The following C10orf71 variants were observed in gnomAD, a reference collection of about 807,000 sequenced individuals.
The protein encoded by C10orf71 is cardiac-enriched FHL2-interacting protein.
For missense variants in C10orf71, 1,869 were observed against 1,804.5 expected (o/e 1.04, Z -0.65); for synonymous variants, 758 against 726.3 (o/e 1.04, Z -0.70).
chr10:49,321,619 A>G (rs189676165), intron 2 of C10orf71, among the ~76,000 whole-genome samples: 1 of 152,344 alleles, frequency 6.6e-6, no homozygotes, highest in African/African-American at 2.4e-5. Flanking sequence ...TTTTTGAAGA[A>G]TCTTTATACT....
chr10:49,304,242 T>A lies in C10orf71; in HGVS notation c.-248+5009T>A, dbSNP rs922106363. On this transcript the variant is annotated intron_variant, in intron 1 of 2. Transcript: ENST00000374144. ...CAAACCTGTGGCAGATAGAAGACCA[T>A]CTCATCTCTTGACTCTCTGCCTCAC... Among the ~76,000 whole-genome samples, 21 of 152,324 alleles carry A rather than the reference T, an allele frequency of 1.4e-4. 1 individual carries two copies. Among genetic ancestry groups the A allele is most frequent in the Non-Finnish European group, 2.8e-4 (19 of 68,016 alleles).
At position 49,326,743 on chromosome 10, in the gene C10orf71, C is replaced by A. The variant is rs1344466747; in HGVS notation, c.4198C>A (p.Arg1400Ser). The change falls in exon 3 of 3, where the codon CGC becomes AGC. Residue 1400 changes from arginine (R) to serine (S), a missense_variant. Transcript: ENST00000374144. ...GDCTPHSAGQ[R>S]PHGPPQSPGE... ...CTGCACCCCGCACTCTGCAGGCCAG[C>A]GCCCTCATGGTCCTCCCCAGAGCCC... 1.3e-6 allele frequency: 2 copies of A among 1,551,292 alleles called. No individual in the cohort carries two copies. Among genetic ancestry groups the A allele is most frequent in the South Asian group, 1.2e-5 (1 of 84,066 alleles).
chr10:49,304,872 A>G (rs765209393), intron 1 of C10orf71, among the ~76,000 whole-genome samples: 103 of 152,342 alleles, frequency 6.8e-4, no homozygotes, highest in Non-Finnish European at 1.2e-3. Context: ...CATAGGTTAC[A>G]GTTGTCCCTT....
Position 49,324,318 on chromosome 10 carries a change from T to G in C10orf71, c.1773T>G (p.Leu591=). 2 of 1,613,776 alleles carry G rather than the reference T, an allele frequency of 1.2e-6. No homozygotes were observed. The highest frequency in any genetic ancestry group is 1.7e-4 in the Middle Eastern group (1 of 6,060). ...CCTCTGCAGACAGCTATCTAACTCTTAGCACAGCTCCGACTATCGCCAAAG... is the reference window on the plus strand; with the variant it reads ...CCTCTGCAGACAGCTATCTAACTCTGAGCACAGCTCCGACTATCGCCAAAG... ...SEPSADSYLT[L]STAPTIAKAP... is the part of the protein sequence containing the mutation. The change falls in exon 3 of 3, where the codon CTT becomes CTG. Residue 591 remains leucine, a synonymous_variant. Transcript: ENST00000374144.
chr10:49,322,420 A>C lies in C10orf71; in HGVS notation c.-126A>C. The C allele has an allele frequency of 8.4e-7, 1 of 1,186,154 alleles. No individual in the cohort carries two copies. The highest frequency in any genetic ancestry group is 1.1e-6 in the Non-Finnish European group (1 of 876,922). The allele number at this position is 1,186,154 out of a possible 1,614,324, so 73.5% of individuals were successfully genotyped here. A position where few individuals can be genotyped will look rare whatever the true frequency, so the allele number is the denominator to read the frequency against. ...TTTGCAGAGAAAAAAAAAAATCCCC[A>C]CTTTGCAATTGCATCTGGTCAATGA... On this transcript the variant is annotated 5_prime_UTR_variant, in exon 3 of 3. Transcript: ENST00000374144.
At position 49,324,126 on chromosome 10, in the gene C10orf71, T is replaced by G; in HGVS notation, c.1581T>G (p.Thr527=). 6.2e-7 allele frequency: 1 copy of G among 1,613,804 alleles called. No individual in the cohort carries two copies. Among genetic ancestry groups the G allele is most frequent in the Non-Finnish European group, 8.5e-7 (1 of 1,179,854 alleles). ...SPLLKVLDEK[T]RGKVDGKQEP... is the part of the protein sequence containing the mutation. ...TCTTGAAAGTGCTTGATGAGAAAAC[T>G]AGAGGTAAGGTTGATGGAAAGCAAG... The change falls in exon 3 of 3, where the codon ACT becomes ACG. Residue 527 remains threonine (T), a synonymous_variant. Coordinates refer to ENST00000374144, the MANE Select transcript of C10orf71 (RefSeq NM_001135196.2).
At position 49,323,001 on chromosome 10, in the gene C10orf71, G is replaced by T. The variant is rs1849125536; in HGVS notation, c.456G>T (p.Arg152Ser). 6.2e-7 allele frequency: 1 copy of T among 1,613,860 alleles called. No individual in the cohort carries two copies. The highest frequency in any genetic ancestry group is 8.5e-7 in the Non-Finnish European group (1 of 1,179,910). ...CAACACTAATTAAATCTTTCGACAG[G>T]ACCGAGAGCCAACGTTGTGAGAGCA... ...KVSTLIKSFD[R>S]TESQRCESRP... Residue 152 changes from arginine (R) to serine (S), a missense_variant, in exon 3 of 3, where the codon AGG becomes AGT. Coordinates refer to ENST00000374144, the MANE Select transcript of C10orf71 (RefSeq NM_001135196.2).
intron 2 of C10orf71, among the ~76,000 whole-genome samples, chr10:49,321,901 T>C (rs561316118): frequency 6.6e-6 from 1 of 152,346 alleles, no homozygotes; most frequent in South Asian, 2.1e-4. Context: ...ATCAGCGGGT[T>C]TGGGGTTTTG....
intron 1 of C10orf71, among the ~76,000 whole-genome samples, chr10:49,305,257 C>T (rs990220321): frequency 1.3e-5 from 2 of 152,124 alleles, no homozygotes; most frequent in African/African-American, 4.8e-5. Context: ...CAGTGTGGTG[C>T]TGAGCAGAGA....
Position 49,323,228 on chromosome 10 carries a change from C to A in C10orf71, c.683C>A (p.Ala228Asp). ...EQESSKNPEM[A>D]CHGSSSFLPA... ...GAGTCCTCCAAGAATCCAGAAATGG[C>A]CTGTCACGGCTCCAGCAGCTTCCTC... is the stretch of plus-strand genomic sequence containing the variant. The change falls in exon 3 of 3, where the codon GCC becomes GAC. Residue 228 changes from alanine (A) to aspartate (D), a missense_variant. By Grantham distance (126) the Ala-to-Asp change is moderately radical. Transcript: ENST00000374144. 1.2e-6 allele frequency: 2 copies of A among 1,613,946 alleles called. No individual in the cohort carries two copies. The highest frequency in any genetic ancestry group is 1.6e-4 in the Middle Eastern group (1 of 6,062).
In C10orf71 at chr10:49,326,262, C is replaced by T; in HGVS notation, c.3717C>T (p.Pro1239=). 3.2e-6 allele frequency: 5 copies of T among 1,550,078 alleles called. No homozygotes were observed. The highest frequency in any genetic ancestry group is 3.5e-6 in the Non-Finnish European group (4 of 1,146,572). ...ATTTCCCCGTGGTCCGTTCCCTGCC[C>T]CCTCCCGTGCACCGCCACTCCGTGT... ...RHNFPVVRSL[P]PPVHRHSVSG... The change falls in exon 3 of 3, where the codon CCC becomes CCT. Residue 1239 remains proline (P), a synonymous_variant. Coordinates refer to ENST00000374144, the MANE Select transcript of C10orf71 (RefSeq NM_001135196.2).
chr10:49,311,634 G>T (rs934687726), intron 1 of C10orf71, among the ~76,000 whole-genome samples: 2 of 152,232 alleles, frequency 1.3e-5, no homozygotes, highest in African/African-American at 4.8e-5. Context: ...GAAGAATAAA[G>T]CAATGTAAGT....
At chr10:49,315,073 G>A (rs925770261) in intron 1 of C10orf71, among the ~76,000 whole-genome samples, 1 of 152,146 alleles carries the variant, frequency 6.6e-6, no homozygotes, top group Non-Finnish European at 1.5e-5. Context: ...GGTAAACCCA[G>A]TATGCTTTGG....
At chr10:49,319,262 G>A (rs2132424253) in intron 2 of C10orf71, among the ~76,000 whole-genome samples, 1 of 152,036 alleles carries the variant, frequency 6.6e-6, no homozygotes, top group East Asian at 1.9e-4. Context: ...AAGTATTCCA[G>A]AAGGAAGCAG....
chr10:49,312,532 T>C (rs1163730154), intron 1 of C10orf71, among the ~76,000 whole-genome samples: 2 of 152,246 alleles, frequency 1.3e-5, no homozygotes, highest in East Asian at 1.9e-4. Flanking sequence ...CCCCAGGTAA[T>C]GTACTCAACA....
chr10:49,302,075 T>C (rs1179027003), intron 1 of C10orf71, among the ~76,000 whole-genome samples: 1 of 152,120 alleles, frequency 6.6e-6, no homozygotes, highest in African/African-American at 2.4e-5. Context: ...ATCTCCCACC[T>C]CAAAGCCTTC....
At chr10:49,322,348 T>C in intron 2 of C10orf71, 54 bp from the exon 3 acceptor site, 2 of 571,760 alleles carry the variant, frequency 3.5e-6, no homozygotes, top group Admixed American at 3.6e-5. Flanking sequence ...CCAGCACATA[T>C]TCTTGTGTAG....
chr10:49,317,068 TTTCA>T (rs1166511852), intron 2 of C10orf71, among the ~76,000 whole-genome samples: 8 of 152,176 alleles, frequency 5.3e-5, no homozygotes, highest in African/African-American at 1.9e-4. Context: ...ACTATCTTAT[TTTCA>T]TTCAAAGTGT....
chr10:49,305,526 A>G (rs1848797661), intron 1 of C10orf71, among the ~76,000 whole-genome samples: 1 of 152,226 alleles, frequency 6.6e-6, no homozygotes, highest in South Asian at 2.1e-4. Flanking sequence ...TTACCCACTC[A>G]GTGGATAAGA....
Sources: gnomAD v4.1 joint callset for allele counts (sites outside exome capture counted in the v4.1 genomes callset) on GRCh38, gnomAD v4.1.1 for gene constraint, MANE v1.5 for transcripts, NCBI Gene and HGNC (gene_info 2026-07-23, HGNC 2026-07-21) for gene names.